The following NDUFAF5 variants were observed in gnomAD, a reference collection of about 807,000 sequenced individuals.
The protein encoded by NDUFAF5 is NADH:ubiquinone oxidoreductase complex assembly factor 5.
NDUFAF5 carries 34 observed loss-of-function variants against 48.9 expected under a neutral mutation model. That is an observed-to-expected ratio of 0.70 (90% CI 0.53 to 0.93). NDUFAF5 has a LOEUF of 0.93. Ranked by LOEUF, NDUFAF5 falls within the 40% of genes least tolerant of loss-of-function variation. The probability of loss-of-function intolerance (pLI) is 0.00; values close to 1 mark genes in which losing one functional copy is unlikely to be tolerated. For missense variants in NDUFAF5, 428 were observed against 427.5 expected (o/e 1.00, Z -0.01); for synonymous variants, 153 against 150.6 (o/e 1.02, Z -0.12).
chr20:13,789,699 A>G (rs1450783934), intron 3 of NDUFAF5, among the ~76,000 whole-genome samples: 4 of 150,132 alleles, frequency 2.7e-5, no homozygotes, highest in Admixed American at 2.7e-4. Context: ...GATGGTCTTG[A>G]TCTCCTGACC....
At chr20:13,810,066 G>A (rs1241842114) in intron 8 of NDUFAF5, among the ~76,000 whole-genome samples, 1 of 152,218 alleles carries the variant, frequency 6.6e-6, no homozygotes, top group African/African-American at 2.4e-5. Context: ...AGGCAGTTGA[G>A]TATGTGGGTA....
chr20:13,790,477 G>C (rs891161902), intron 3 of NDUFAF5, among the ~76,000 whole-genome samples: 5 of 152,188 alleles, frequency 3.3e-5, no homozygotes, highest in African/African-American at 1.2e-4. Context: ...GTGCTGTTCA[G>C]CTATCATCGC....
intron 8 of NDUFAF5, among the ~76,000 whole-genome samples, chr20:13,815,006 G>C (rs1986298067): frequency 6.6e-6 from 1 of 152,150 alleles, no homozygotes; most frequent in Non-Finnish European, 1.5e-5. Context: ...GCTGATGTAG[G>C]TCAGACCTTC....
intron 8 of NDUFAF5, among the ~76,000 whole-genome samples, chr20:13,811,714 A>G (rs1480831666): frequency 6.6e-6 from 1 of 152,220 alleles, no homozygotes; most frequent in Non-Finnish European, 1.5e-5. Flanking sequence ...GCAAAAATAA[A>G]CTATTACTTG....
chr20:13,816,301 G>GA lies in NDUFAF5; in HGVS notation c.779-159dup, dbSNP rs1450480105. On this transcript the variant is annotated intron_variant, in intron 8 of 10. Coordinates refer to ENST00000378106, the MANE Select transcript of NDUFAF5 (RefSeq NM_024120.5). ...AGTAGTTTCGCTTTAGAGTCACTAA[G>GA]AAACCCAGTTATAATCTGAAAGTGA... is the stretch of plus-strand genomic sequence containing the variant. 43 of 692,306 alleles carry GA rather than the reference G, an allele frequency of 6.2e-5. 1 individual carries two copies. In the South Asian group the frequency reaches 6.6e-4, roughly 11 times the overall value. 42.9% of individuals were successfully genotyped at this position (692,306 alleles called of 1,614,324 possible). A position where few individuals can be genotyped will look rare whatever the true frequency, so the allele number is the denominator to read the frequency against.
rs1986725594 is a variant in NDUFAF5, at chr20:13,818,266, T to C, written c.*1056T>C. The C allele has an allele frequency of 2.2e-6, 1 of 453,516 alleles. No individual in the cohort carries two copies. The highest frequency in any genetic ancestry group is 1.6e-5 in the South Asian group (1 of 64,186). The allele number at this position is 453,516 out of a possible 1,614,324, so 28.1% of individuals were successfully genotyped here. A position where few individuals can be genotyped will look rare whatever the true frequency, so the allele number is the denominator to read the frequency against. On this transcript the variant is annotated 3_prime_UTR_variant, in exon 11 of 11. Coordinates refer to ENST00000378106, the MANE Select transcript of NDUFAF5 (RefSeq NM_024120.5). ...ATTTTGAACTAATTATATAACAAAC[T>C]TGCCCTTTGAAAGACTAAGTTATAG...
intron 6 of NDUFAF5, among the ~76,000 whole-genome samples, chr20:13,799,655 C>T (rs902393267): frequency 6.0e-5 from 9 of 149,844 alleles, no homozygotes; most frequent in Non-Finnish European, 1.3e-4. Context: ...GCTGAGATCA[C>T]GCCATTGCAC....
chr20:13,796,243 G>A (rs964307179), intron 5 of NDUFAF5, among the ~76,000 whole-genome samples: 19 of 152,198 alleles, frequency 1.2e-4, no homozygotes, highest in African/African-American at 4.6e-4. Flanking sequence ...TTTCGTGAGT[G>A]TGTAATTCCT....
intron 8 of NDUFAF5, among the ~76,000 whole-genome samples, chr20:13,812,329 G>A (rs1365851097): frequency 6.6e-6 from 1 of 152,100 alleles, no homozygotes; most frequent in Non-Finnish European, 1.5e-5. Flanking sequence ...GATAACAGAG[G>A]ATCAGTAATA....
At chr20:13,811,132 G>A (rs954069365) in intron 8 of NDUFAF5, among the ~76,000 whole-genome samples, 1 of 152,080 alleles carries the variant, frequency 6.6e-6, no homozygotes, top group African/African-American at 2.4e-5. Flanking sequence ...GAGATAATAG[G>A]TTAAAGAATC....
intron 3 of NDUFAF5, among the ~76,000 whole-genome samples, chr20:13,791,454 G>A (rs913477623): frequency 9.9e-5 from 15 of 152,138 alleles, no homozygotes; most frequent in African/African-American, 3.4e-4. Context: ...TTTCAGAAGT[G>A]ACAATTGAAG....
intron 5 of NDUFAF5, 25 bp from the exon 6 acceptor site, chr20:13,798,436 A>C (rs1318911004): frequency 6.3e-7 from 1 of 1,586,438 alleles, no homozygotes; most frequent in African/African-American, 1.3e-5. Context: ...TTAAGCTAAA[A>C]CAAATCTGTA....
intron 7 of NDUFAF5, among the ~76,000 whole-genome samples, chr20:13,805,454 C>T (rs1984859795): frequency 6.6e-6 from 1 of 152,122 alleles, no homozygotes; most frequent in Admixed American, 6.6e-5. Context: ...AGAATACTAT[C>T]CATATTCTCT....
chr20:13,816,174 T>C (rs974919515), intron 8 of NDUFAF5: 9 of 450,552 alleles, frequency 2.0e-5, no homozygotes, highest in Admixed American at 3.4e-5. Flanking sequence ...GTCACCTGGC[T>C]TTTGCCCAGC....
rs1328738186 is a variant in NDUFAF5 at position 13,820,559 on chromosome 20, T to G, written c.*3349T>G. 6.6e-6 allele frequency: 1 copy of G among 152,032 alleles called. No individual in the cohort carries two copies. The highest frequency in any genetic ancestry group is 1.5e-5 in the Non-Finnish European group (1 of 68,070). The allele number at this position is 152,032 out of a possible 1,614,324, so 9.4% of individuals were successfully genotyped here. On this transcript the variant is annotated 3_prime_UTR_variant, in exon 11 of 11. Transcript: ENST00000378106. The stretch of plus-strand genomic sequence containing the variant: ...TAAAAAAAAAATTAGCCAGGCATGG[T>G]GGCACAAGCCTGTGGTCCCAGCTAC...
At chr20:13,792,792 C>A (rs945046278) in intron 3 of NDUFAF5, among the ~76,000 whole-genome samples, 1 of 152,144 alleles carries the variant, frequency 6.6e-6, no homozygotes, top group African/African-American at 2.4e-5. Flanking sequence ...CCCTAAGCCT[C>A]TACCTGTAAG....
intron 2 of NDUFAF5, 67 bp from the exon 3 acceptor site, chr20:13,788,521 GA>G: frequency 7.9e-7 from 1 of 1,265,274 alleles, no homozygotes; most frequent in Non-Finnish European, 1.2e-6. Context: ...TTTTACCTAA[GA>G]AAAAATAATT....
chr20:13,807,812 G>A (rs926673333), intron 7 of NDUFAF5, among the ~76,000 whole-genome samples: 4 of 151,774 alleles, frequency 2.6e-5, no homozygotes, highest in Admixed American at 1.3e-4. Flanking sequence ...AGCTGGGCAC[G>A]GTGGCAGGCG....
chr20:13,813,920 G>A (rs2423750), intron 8 of NDUFAF5, among the ~76,000 whole-genome samples: 34,825 of 151,992 alleles, frequency 0.23, 4,129 homozygotes, highest in Non-Finnish European at 0.26. Flanking sequence ...TCAGATTAGC[G>A]TTGTAATGTC....
Sources: allele counts gnomAD v4.1 joint callset (sites outside exome capture counted in the v4.1 genomes callset), GRCh38; gene constraint gnomAD v4.1.1; transcripts MANE v1.5; gene names NCBI Gene and HGNC (gene_info 2026-07-23, HGNC 2026-07-21).